DIS3L2: variants seen among roughly 807,000 people sequenced by gnomAD.
The protein encoded by DIS3L2 is DIS3-like exonuclease 2.
Under a neutral mutation model 97.5 loss-of-function variants are expected in DIS3L2, and 34 were observed. The ratio of observed to expected loss-of-function variants is 0.35; its 90% CI spans 0.27 to 0.46. The LOEUF is 0.46. Among genes scored for constraint, DIS3L2 ranks in the 20% least tolerant of loss-of-function variants. The pLI, the probability that DIS3L2 is intolerant of heterozygous loss-of-function variation, is 1.00. For missense variants in DIS3L2, 1,038 were observed against 1,146.0 expected, an observed-to-expected ratio of 0.91 and a Z score of 1.36; for synonymous variants, 435 against 445.2, an observed-to-expected ratio of 0.98 and a Z score of 0.29.
chr2:232,099,382 A>C (rs553754946), intron 6 of DIS3L2, among the ~76,000 whole-genome samples: 1 of 151,894 alleles, frequency 6.6e-6, no homozygotes, highest in African/African-American at 2.4e-5. Flanking sequence ...CACCCAGATA[A>C]TTTTTGTATT....
chr2:232,315,981 G>A (rs1390010524), intron 14 of DIS3L2, among the ~76,000 whole-genome samples: 2 of 152,316 alleles, frequency 1.3e-5, no homozygotes, highest in African/African-American at 4.8e-5. Flanking sequence ...GTTACCAGTA[G>A]GGGGTAGGTG....
chr2:232,126,845 T>C (rs975146245), intron 6 of DIS3L2, among the ~76,000 whole-genome samples: 1 of 152,224 alleles, frequency 6.6e-6, no homozygotes, highest in African/African-American at 2.4e-5. Flanking sequence ...TGTTAATAGC[T>C]ACAGTAAATC....
chr2:232,036,917 G>A (rs1055724766), intron 5 of DIS3L2, among the ~76,000 whole-genome samples: 4 of 152,138 alleles, frequency 2.6e-5, no homozygotes, highest in African/African-American at 4.8e-5. Flanking sequence ...AGAGGCACCC[G>A]CCAGATGCCA....
At chr2:232,195,348 A>C (rs1691723875) in intron 9 of DIS3L2, among the ~76,000 whole-genome samples, 1 of 152,234 alleles carries the variant, frequency 6.6e-6, no homozygotes, top group African/African-American at 2.4e-5. Context: ...AAAGAGTTTA[A>C]TACATGTGGA....
chr2:232,176,009 C>G (rs1217382426), intron 9 of DIS3L2, among the ~76,000 whole-genome samples: 1 of 152,154 alleles, frequency 6.6e-6, no homozygotes, highest in African/African-American at 2.4e-5. Context: ...CCTGCTTCAG[C>G]CTCCCAAGTA....
At chr2:231,980,532 A>G (rs2106177408) in intron 1 of DIS3L2, among the ~76,000 whole-genome samples, 1 of 152,162 alleles carries the variant, frequency 6.6e-6, no homozygotes, top group Non-Finnish European at 1.5e-5. Context: ...CCCCATCTCT[A>G]TTAAAAATAC....
At position 232,132,625 on chromosome 2, in the gene DIS3L2, C is replaced by T. The variant is rs544167799; in HGVS notation, c.702+1906C>T. 7.9e-5 allele frequency among the ~76,000 whole-genome samples: 12 copies of T among 152,248 alleles called. No individual in the cohort carries two copies. The South Asian group carries it at 2.5e-3, about 32-fold the overall frequency. On this transcript the variant is annotated intron_variant, in intron 7 of 20. Coordinates refer to ENST00000325385, the MANE Select transcript of DIS3L2 (RefSeq NM_152383.5). ...ATGCCAACCTAGCAATAGAGGGTGGCCCAGCTAGACTAATTCTCACCCATA... is the reference window on the plus strand; with the variant it reads ...ATGCCAACCTAGCAATAGAGGGTGGTCCAGCTAGACTAATTCTCACCCATA...
At chr2:232,116,455 T>G (rs1213827603) in intron 6 of DIS3L2, among the ~76,000 whole-genome samples, 3 of 152,238 alleles carry the variant, frequency 2.0e-5, no homozygotes, top group African/African-American at 7.2e-5. Context: ...GAATTATCCT[T>G]GCCTACAAGT....
chr2:232,227,303 A>AG (rs1692676246), intron 10 of DIS3L2, among the ~76,000 whole-genome samples: 1 of 152,190 alleles, frequency 6.6e-6, no homozygotes, highest in Non-Finnish European at 1.5e-5. Flanking sequence ...CCCGATGCTG[A>AG]GGGGCGAGTC....
intron 6 of DIS3L2, among the ~76,000 whole-genome samples, chr2:232,126,028 A>G (rs3103264): frequency 0.47 from 71,087 of 152,090 alleles, 19,209 homozygotes; most frequent in Non-Finnish European, 0.61. Flanking sequence ...GAGATTGAAC[A>G]AGCTTGGATT....
intron 12 of DIS3L2, among the ~76,000 whole-genome samples, chr2:232,250,755 T>C (rs1162796298): frequency 6.6e-6 from 1 of 152,220 alleles, no homozygotes; most frequent in Non-Finnish European, 1.5e-5. Flanking sequence ...GAGTGAATGT[T>C]GGCATACTGA....
intron 16 of DIS3L2, among the ~76,000 whole-genome samples, chr2:232,332,704 C>T (rs927967477): frequency 2.0e-5 from 3 of 152,168 alleles, no homozygotes; most frequent in Admixed American, 6.5e-5. Context: ...TCTCAGCCCC[C>T]GGGAGGGTCA....
chr2:232,186,214 A>T (rs745626655), intron 9 of DIS3L2, among the ~76,000 whole-genome samples: 24 of 152,272 alleles, frequency 1.6e-4, no homozygotes, highest in Non-Finnish European at 8.8e-5. Context: ...ACATCACATT[A>T]GAAGTGATAT....
chr2:232,339,370 G>C (rs1173642973), downstream of DIS3L2, among the ~76,000 whole-genome samples: 2 of 152,218 alleles, frequency 1.3e-5, no homozygotes, highest in Non-Finnish European at 2.9e-5. Flanking sequence ...GCGCCGCCAG[G>C]AGGCAGGAAG....
intron 9 of DIS3L2, among the ~76,000 whole-genome samples, chr2:232,187,305 T>A (rs185762832): frequency 6.6e-6 from 1 of 152,116 alleles, no homozygotes; most frequent in East Asian, 1.9e-4. Flanking sequence ...ATACTGCTGG[T>A]GAGAATGTAA....
Position 232,263,322 on chromosome 2 carries a change from C to G in DIS3L2, c.1541C>G (p.Pro514Arg), listed in dbSNP as rs201358022. Reference protein sequence around the residue: ...PTEKIPAKELPPISPEHSSEE... With the variant: ...PTEKIPAKELRPISPEHSSEE... ...GAGAAAATCCCTGCGAAAGAGCTGC[C>G]CCCCATTTCCCCAGAGCATAGCAGC... The change falls in exon 13 of 21, where the codon CCC (proline) becomes CGC (arginine). Residue 514 changes from proline to arginine, a missense_variant. Pro to Arg is a moderately radical substitution (Grantham distance 103, BLOSUM62 -2). This residue lies in a region of DIS3L2 where 813 missense variants were observed against 880.1 expected (regional missense o/e 0.92). Transcript: ENST00000325385. 8.7e-6 allele frequency: 14 copies of G among 1,614,048 alleles called. No homozygotes were observed. The highest frequency in any genetic ancestry group is 1.1e-5 in the Non-Finnish European group (13 of 1,180,050).
chr2:232,147,961 C>T (rs1199048452), intron 8 of DIS3L2, among the ~76,000 whole-genome samples: 1 of 92,510 alleles, frequency 1.1e-5, no homozygotes, highest in Non-Finnish European at 2.2e-5. Context: ...CCCTCCCTTT[C>T]CTCCCCTCCC....
chr2:232,032,211 G>A (rs943227156), intron 5 of DIS3L2, among the ~76,000 whole-genome samples: 5 of 152,146 alleles, frequency 3.3e-5, no homozygotes, highest in African/African-American at 7.2e-5. Context: ...TCTAACTGGC[G>A]TGAGATAATA....
intron 5 of DIS3L2, among the ~76,000 whole-genome samples, chr2:232,051,449 A>G (rs536485917): frequency 1.8e-4 from 27 of 152,346 alleles, no homozygotes; most frequent in South Asian, 1.7e-3. Context: ...TTTTACGACT[A>G]GGAAGACCAA....
Sources: gnomAD v4.1 joint callset for allele counts (sites outside exome capture counted in the v4.1 genomes callset) on GRCh38, gnomAD v4.1.1 for gene constraint, gnomAD v4.1.1 regional missense constraint, MANE v1.5 for transcripts, NCBI Gene and HGNC (gene_info 2026-07-23, HGNC 2026-07-21) for gene names.